The following HTT-AS variants were observed in gnomAD, a reference collection of about 807,000 sequenced individuals.
The protein encoded by HTT-AS is HTT antisense RNA.
intron 2 of HTT-AS, among the ~76,000 whole-genome samples, chr4:3,053,834 C>T (rs1269380115): frequency 6.7e-6 from 1 of 150,294 alleles, no homozygotes; most frequent in Non-Finnish European, 1.5e-5. Flanking sequence ...TCTAGGCTCA[C>T]TACAACGTCT....
At chr4:3,048,663 C>G (rs1230074226), downstream of HTT-AS, among the ~76,000 whole-genome samples, 2 of 152,182 alleles carry the variant, frequency 1.3e-5, no homozygotes, top group Non-Finnish European at 2.9e-5. Flanking sequence ...AGCAGCTGCA[C>G]AGGTACTACT....
intron 1 of HTT-AS, among the ~76,000 whole-genome samples, chr4:3,070,985 T>G (rs1216991010): frequency 6.6e-6 from 1 of 152,218 alleles, no homozygotes; most frequent in Non-Finnish European, 1.5e-5. Context: ...CTGTGAACTT[T>G]AAAAACCTGT....
intron 1 of HTT-AS, among the ~76,000 whole-genome samples, chr4:3,073,852 C>T (rs1222671489): frequency 6.6e-6 from 1 of 152,206 alleles, no homozygotes; most frequent in Non-Finnish European, 1.5e-5. Context: ...GCAGGGCTGT[C>T]CGGGTGAGTA....
In HTT-AS at chr4:3,074,529, C is replaced by G. The variant is rs1335176583; in HGVS notation, n.10G>C. 7.5e-5 allele frequency: 22 copies of G among 292,882 alleles called. 1 individual carries two copies. The highest frequency in any genetic ancestry group is 6.0e-6 in the Non-Finnish European group (1 of 167,742). 18.1% of individuals were successfully genotyped at this position (292,882 alleles called of 1,614,324 possible). On this transcript the variant is annotated non_coding_transcript_exon_variant, in exon 1 of 3. Coordinates refer to ENST00000664062, the Ensembl canonical transcript of HTT-AS. The stretch of plus-strand genomic sequence containing the variant: ...GCGGCCTTGCTGTGTGAGGCAGAAC[C>G]TGCGGGGGCAGGGGCGGGCTGGTTC...
chr4:3,053,992 T>G (rs1711763188), intron 2 of HTT-AS, among the ~76,000 whole-genome samples: 1 of 151,946 alleles, frequency 6.6e-6, no homozygotes, highest in Non-Finnish European at 1.5e-5. Flanking sequence ...ACTCCTGACC[T>G]CATGATCCCC....
chr4:3,063,515 C>T (rs532906533), exon 2 of HTT-AS: 1 of 152,360 alleles, frequency 6.6e-6, no homozygotes, highest in East Asian at 1.9e-4. Context: ...TGTTCAGTAG[C>T]ACTGGACAGA....
chr4:3,068,360 A>AGGAAGC (rs1218961071), intron 1 of HTT-AS, among the ~76,000 whole-genome samples: 2 of 151,564 alleles, frequency 1.3e-5, no homozygotes, highest in Non-Finnish European at 2.9e-5. Context: ...ATCTCCTGAA[A>AGGAAGC]GGAAGCAACT....
chr4:3,057,872 C>T (rs1385232226), intron 2 of HTT-AS, among the ~76,000 whole-genome samples: 1 of 151,946 alleles, frequency 6.6e-6, no homozygotes, highest in African/African-American at 2.4e-5. Flanking sequence ...ATCCGCCCGC[C>T]TCAGCCTCCC....
intron 1 of HTT-AS, among the ~76,000 whole-genome samples, chr4:3,068,653 C>CTTTTT (rs563024282): frequency 7.2e-6 from 1 of 139,148 alleles, no homozygotes; most frequent in Non-Finnish European, 1.5e-5. Context: ...GTGTGTGTAG[C>CTTTTT]TTTTTTTTTT....
At chr4:3,062,894 C>T (rs967692951) in exon 2 of HTT-AS, among the ~76,000 whole-genome samples, 5 of 152,072 alleles carry the variant, frequency 3.3e-5, no homozygotes, top group African/African-American at 1.2e-4. Context: ...CATTTCTAAC[C>T]TTCATCTTCT....
chr4:3,061,445 C>T (rs747414067), intron 2 of HTT-AS, among the ~76,000 whole-genome samples: 1 of 152,108 alleles, frequency 6.6e-6, no homozygotes, highest in Admixed American at 6.5e-5. Flanking sequence ...CTTTGGGAGG[C>T]GGAGGTGGGT....
intron 1 of HTT-AS, among the ~76,000 whole-genome samples, chr4:3,066,604 T>C (rs976755967): frequency 6.6e-6 from 1 of 152,132 alleles, no homozygotes; most frequent in African/African-American, 2.4e-5. Context: ...GACTTGGAAG[T>C]AAACCAGCTC....
chr4:3,054,545 T>C (rs147116002), intron 2 of HTT-AS, among the ~76,000 whole-genome samples: 4 of 152,302 alleles, frequency 2.6e-5, no homozygotes, highest in African/African-American at 7.2e-5. Context: ...TTAAAGGGTT[T>C]TTAAGTTAGA....
chr4:3,052,669 G>T (rs544471573), intron 2 of HTT-AS, among the ~76,000 whole-genome samples: 1 of 151,886 alleles, frequency 6.6e-6, no homozygotes, highest in South Asian at 2.1e-4. Context: ...CCTCTTTTTT[G>T]GGGGGGATCC....
In HTT-AS at chr4:3,072,311, T is replaced by C. The variant is rs564675143; in HGVS notation, n.113+2115A>G. Among the ~76,000 whole-genome samples, 112 of 152,382 alleles carry C rather than the reference T, an allele frequency of 7.3e-4. 1 individual carries two copies. Among genetic ancestry groups the C allele is most frequent in the Admixed American group, 3.5e-3 (53 of 15,314 alleles). ...AGAGGCCGCCTTTATGTCCTCGCCA[T>C]GTGGGCCTCTCCAACATGGCAGCTG... On this transcript the variant is annotated intron_variant and non_coding_transcript_variant, in intron 1 of 2. Coordinates refer to ENST00000664062, the Ensembl canonical transcript of HTT-AS.
At chr4:3,055,374 A>G (rs1351902075) in intron 2 of HTT-AS, among the ~76,000 whole-genome samples, 2 of 152,046 alleles carry the variant, frequency 1.3e-5, no homozygotes, top group Non-Finnish European at 2.9e-5. Flanking sequence ...GAGGGACTTT[A>G]CTGAGGGGAG....
intron 2 of HTT-AS, among the ~76,000 whole-genome samples, chr4:3,053,958 C>T (rs1254979162): frequency 6.6e-6 from 1 of 151,852 alleles, no homozygotes; most frequent in Non-Finnish European, 1.5e-5. Flanking sequence ...TGAGGTTTCA[C>T]CATGTTGGCC....
intron 2 of HTT-AS, among the ~76,000 whole-genome samples, chr4:3,059,988 C>G (rs971046896): frequency 6.9e-6 from 1 of 144,942 alleles, no homozygotes; most frequent in Non-Finnish European, 1.5e-5. Context: ...GTGGCGTGAT[C>G]TCAGCTCACT....
At chr4:3,048,409 T>C (rs1246780052), downstream of HTT-AS, among the ~76,000 whole-genome samples, 1 of 152,206 alleles carries the variant, frequency 6.6e-6, no homozygotes, top group African/African-American at 2.4e-5. Context: ...TGCAGACATT[T>C]AAAACCTTTG....
Sources: gnomAD v4.1 joint callset for allele counts (sites outside exome capture counted in the v4.1 genomes callset) on GRCh38, gnomAD v4.1.1 for gene constraint, MANE v1.5 for transcripts, NCBI Gene and HGNC (gene_info 2026-07-23, HGNC 2026-07-21) for gene names.